The following ERG variants were observed in gnomAD, a reference collection of about 807,000 sequenced individuals.
The protein encoded by ERG is transcriptional regulator ERG.
ERG carries 9 observed loss-of-function variants against 55.3 expected under a neutral mutation model. The ratio of observed to expected loss-of-function variants is 0.16; its 90% confidence interval spans 0.10 to 0.28. The LOEUF is 0.28. ERG is among the 10% of genes least tolerant of loss of function. The pLI is 1.00. For missense variants in ERG, 434 were observed against 631.6 expected, an observed-to-expected ratio of 0.69 and a Z score of 3.35; for synonymous variants, 223 against 237.3, an observed-to-expected ratio of 0.94 and a Z score of 0.55.
the ERG span, chr21:38,367,625 TA>T: frequency 1.9e-6 from 1 of 522,354 alleles, no homozygotes; most frequent in Middle Eastern, 2.9e-4. Flanking sequence ...TTCTATTCAT[TA>T]AAAGCAGATC....
At chr21:38,518,538 G>C (rs2059570451) in intron 2 of ERG, among the ~76,000 whole-genome samples, 1 of 151,976 alleles carries the variant, frequency 6.6e-6, no homozygotes, top group Non-Finnish European at 1.5e-5. Flanking sequence ...AGTTAAAAAA[G>C]GGAGAAACTG....
intron 2 of ERG, among the ~76,000 whole-genome samples, chr21:38,546,825 G>A (rs1010926521): frequency 6.6e-6 from 1 of 152,162 alleles, no homozygotes; most frequent in African/African-American, 2.4e-5. Context: ...TACCAAAGCT[G>A]AGCTTCCCAT....
chr21:38,369,745 G>C, the ERG span, among the ~76,000 whole-genome samples: 2 of 152,144 alleles, frequency 1.3e-5, no homozygotes, highest in African/African-American at 2.4e-5. Context: ...GATTTTTATA[G>C]TTTTGGGTTT....
At chr21:38,620,665 G>C (rs1407016120) in intron 1 of ERG, among the ~76,000 whole-genome samples, 1 of 152,174 alleles carries the variant, frequency 6.6e-6, no homozygotes, top group Non-Finnish European at 1.5e-5. Flanking sequence ...GAAAAGCATG[G>C]ATTTTGGAGA....
chr21:38,418,942 AAAAAAAAAG>A (rs941992342), intron 3 of ERG, among the ~76,000 whole-genome samples: 2 of 147,546 alleles, frequency 1.4e-5, no homozygotes, highest in African/African-American at 5.3e-5. Context: ...AAAAAAAAAA[AAAAAAAAAG>A]AAAGAAAGAA....
At chr21:38,453,720 T>C (rs1435529791) in intron 1 of ERG, among the ~76,000 whole-genome samples, 1 of 152,012 alleles carries the variant, frequency 6.6e-6, no homozygotes, top group East Asian at 1.9e-4. Context: ...CTGTCTCTAC[T>C]AAAAATACAA....
intron 1 of ERG, among the ~76,000 whole-genome samples, chr21:38,592,480 G>A (rs1256838568): frequency 2.0e-5 from 3 of 152,174 alleles, no homozygotes; most frequent in African/African-American, 7.2e-5. Flanking sequence ...GCAGGCTTGA[G>A]TGCTCTTCAG....
intron 1 of ERG, among the ~76,000 whole-genome samples, chr21:38,448,266 G>A (rs1293012980): frequency 1.3e-5 from 2 of 152,170 alleles, no homozygotes; most frequent in Non-Finnish European, 2.9e-5. Flanking sequence ...GCTAGAGATG[G>A]GGGAGGCATG....
chr21:38,417,737 C>T (rs777943777), intron 3 of ERG, among the ~76,000 whole-genome samples: 9 of 151,972 alleles, frequency 5.9e-5, no homozygotes, highest in African/African-American at 9.7e-5. Context: ...TGCAGTAAGC[C>T]GTGACCGCGC....
intron 1 of ERG, among the ~76,000 whole-genome samples, chr21:38,635,465 A>T (rs2060382563): frequency 1.3e-5 from 2 of 152,214 alleles, no homozygotes; most frequent in South Asian, 4.1e-4. Context: ...ATACCAAAAA[A>T]CACCAGATAT....
In ERG at chr21:38,381,267, C is replaced by T; in HGVS notation, c.*2136G>A. 9.4e-7 allele frequency: 1 copy of T among 1,065,416 alleles called. No homozygotes were observed. The highest frequency in any genetic ancestry group is 1.6e-5 in the African/African-American group (1 of 61,212). 66.0% of individuals were successfully genotyped at this position (1,065,416 alleles called of 1,614,324 possible). ...AGGGCCAGTTCAGAAACCTATTCAGCTAAGATGTTTCGGCTAGCGCCTTCG... is the reference window on the plus strand; with the variant it reads ...AGGGCCAGTTCAGAAACCTATTCAGTTAAGATGTTTCGGCTAGCGCCTTCG... On this transcript the variant is annotated 3_prime_UTR_variant, in exon 10 of 10. Transcript: ENST00000288319.
chr21:38,401,051 A>G (rs559566557), intron 5 of ERG, among the ~76,000 whole-genome samples: 1 of 152,354 alleles, frequency 6.6e-6, no homozygotes, highest in South Asian at 2.1e-4. Flanking sequence ...TCAAGCAATT[A>G]TAAGTATTTA....
chr21:38,510,748 T>C (rs1352624969), intron 2 of ERG, among the ~76,000 whole-genome samples: 2 of 152,160 alleles, frequency 1.3e-5, no homozygotes, highest in East Asian at 3.9e-4. Context: ...AACCACCTAA[T>C]TTTTTTCTCA....
chr21:38,407,229 A>T lies in ERG; in HGVS notation c.389-3520T>A, dbSNP rs11908800. Among the ~76,000 whole-genome samples, 1,356 of 152,338 alleles carry T rather than the reference A, an allele frequency of 8.9e-3. 23 individuals carry two copies. Among genetic ancestry groups the T allele is most frequent in the African/African-American group, 0.031 (1,306 of 41,550 alleles). On this transcript the variant is annotated intron_variant, in intron 3 of 9. Transcript: ENST00000288319. ...GTAGTGTTGTTTATAATAGCAAAAC[A>T]TTGGAAACACCCTAAATGTCCAGCA...
intron 2 of ERG, among the ~76,000 whole-genome samples, chr21:38,441,981 A>T (rs566189712): frequency 6.6e-6 from 1 of 152,358 alleles, no homozygotes; most frequent in South Asian, 2.1e-4. Flanking sequence ...GTATCCACCC[A>T]CCAAAACACA....
intron 1 of ERG, among the ~76,000 whole-genome samples, chr21:38,485,899 G>A (rs889336725): frequency 1.3e-5 from 2 of 151,880 alleles, no homozygotes; most frequent in Admixed American, 1.3e-4. Flanking sequence ...TTATACAGGT[G>A]TACAGGTGTA....
intron 1 of ERG, among the ~76,000 whole-genome samples, chr21:38,473,849 CAT>C (rs1220153700): frequency 2.6e-5 from 4 of 151,496 alleles, no homozygotes; most frequent in Admixed American, 6.6e-5. Context: ...TGTATGTGTA[CAT>C]GTTTGCGTAT....
At chr21:38,507,146 G>A (rs573741670) in intron 2 of ERG, among the ~76,000 whole-genome samples, 1 of 152,148 alleles carries the variant, frequency 6.6e-6, no homozygotes, top group Non-Finnish European at 1.5e-5. Context: ...AATTGCTAAT[G>A]ATGAGCTGGC....
At chr21:38,368,824 A>G in the ERG span, among the ~76,000 whole-genome samples, 4 of 152,098 alleles carry the variant, frequency 2.6e-5, no homozygotes, top group African/African-American at 9.6e-5. Flanking sequence ...GCGTCCATGT[A>G]TTCTCATCAT....
Sources: allele counts gnomAD v4.1 joint callset (sites outside exome capture counted in the v4.1 genomes callset), GRCh38; gene constraint gnomAD v4.1.1; transcripts MANE v1.5; gene names NCBI Gene and HGNC (gene_info 2026-07-23, HGNC 2026-07-21).